The following PRKN variants were observed in gnomAD, a reference collection of about 807,000 sequenced individuals.
PRKN encodes the protein parkin RBR E3 ubiquitin protein ligase, also known as E3 ubiquitin-protein ligase parkin.
In PRKN, 56 loss-of-function variants were observed where a neutral mutation model predicts 59.5. That is an observed-to-expected ratio of 0.94 (90% confidence interval 0.76 to 1.18). The LOEUF is 1.18. Ranked by LOEUF, PRKN falls within the 50% of genes most tolerant of loss-of-function variation. The pLI, the probability that PRKN is intolerant of heterozygous loss-of-function variation, is 0.00. For synonymous variants in PRKN, 250 were observed against 222.1 expected, an observed-to-expected ratio of 1.13 and a Z score of -1.12; for missense variants, 657 against 596.4, an observed-to-expected ratio of 1.10 and a Z score of -1.06.
intron 6 of PRKN, among the ~76,000 whole-genome samples, chr6:161,879,932 T>G (rs546737686): frequency 6.6e-6 from 1 of 152,192 alleles, no homozygotes; most frequent in South Asian, 2.1e-4. Flanking sequence ...TTCTACACTT[T>G]AGGCATATGC....
chr6:162,602,826 G>C (rs1583887342), intron 1 of PRKN, among the ~76,000 whole-genome samples: 1 of 152,248 alleles, frequency 6.6e-6, no homozygotes, highest in East Asian at 1.9e-4. Flanking sequence ...AAAGCAGAGA[G>C]TGGCCTTTTA....
intron 1 of PRKN, among the ~76,000 whole-genome samples, chr6:162,623,086 G>A (rs898104948): frequency 6.6e-6 from 1 of 152,188 alleles, no homozygotes; most frequent in African/African-American, 2.4e-5. Context: ...GACTTAAACT[G>A]GAAACCCAGT....
At chr6:162,142,765 C>G (rs1022845217) in intron 4 of PRKN, among the ~76,000 whole-genome samples, 14 of 152,186 alleles carry the variant, frequency 9.2e-5, no homozygotes, top group Non-Finnish European at 8.8e-5. Context: ...GAGCACTTTA[C>G]ATTATTAATT....
At chr6:161,653,112 C>G (rs988924215) in intron 7 of PRKN, among the ~76,000 whole-genome samples, 3 of 152,064 alleles carry the variant, frequency 2.0e-5, no homozygotes, top group African/African-American at 7.2e-5. Context: ...GCCTGTAATC[C>G]CAGCACTTTG....
chr6:162,158,233 T>C (rs1782604821), intron 4 of PRKN, among the ~76,000 whole-genome samples: 2 of 152,028 alleles, frequency 1.3e-5, no homozygotes, highest in Admixed American at 6.5e-5. Flanking sequence ...ATAAATTCAG[T>C]TTTCTGTCTC....
intron 9 of PRKN, among the ~76,000 whole-genome samples, chr6:161,494,791 G>C (rs1338146141): frequency 6.6e-6 from 1 of 152,194 alleles, no homozygotes; most frequent in Admixed American, 6.5e-5. Context: ...AGGTGCATCT[G>C]ATGAACTCTG....
chr6:162,627,911 A>C (rs1202656196), intron 1 of PRKN, among the ~76,000 whole-genome samples: 1 of 152,144 alleles, frequency 6.6e-6, no homozygotes, highest in Non-Finnish European at 1.5e-5. Context: ...AGTAAAAGAA[A>C]GAACAGGAAA....
intron 4 of PRKN, among the ~76,000 whole-genome samples, chr6:162,194,230 A>G (rs1784405290): frequency 6.6e-6 from 1 of 152,242 alleles, no homozygotes; most frequent in African/African-American, 2.4e-5. Context: ...CAAATTGATC[A>G]TTCATTAAAA....
Position 161,947,084 on chromosome 6 carries a change from T to C in PRKN, c.734+26218A>G, listed in dbSNP as rs1433491082. On this transcript the variant is annotated intron_variant, in intron 6 of 11. Coordinates refer to ENST00000366898, the MANE Select transcript of PRKN (RefSeq NM_004562.3). The stretch of plus-strand genomic sequence containing the variant: ...TACATATGTTGATGTCTGCAAGTGC[T>C]TATACATCTGTTTATGTGTAGATGT... Among the ~76,000 whole-genome samples, 5 of 152,312 alleles carry C rather than the reference T, an allele frequency of 3.3e-5. No individual in the cohort carries two copies. The South Asian group carries it at 1.0e-3, about 32-fold the overall frequency.
intron 1 of PRKN, among the ~76,000 whole-genome samples, chr6:162,540,477 G>A (rs1562368201): frequency 1.3e-5 from 2 of 152,100 alleles, no homozygotes; most frequent in African/African-American, 4.8e-5. Flanking sequence ...TTGAAACAAT[G>A]TAAGTCAACT....
At chr6:162,304,713 G>A (rs1782145121) in intron 2 of PRKN, among the ~76,000 whole-genome samples, 1 of 150,838 alleles carries the variant, frequency 6.6e-6, no homozygotes. Context: ...AAGGGTACCA[G>A]ATAAACAAAA....
In PRKN at chr6:161,497,650, C is replaced by T. The variant is rs1052920138; in HGVS notation, c.1083+51204G>A. ...TTGCACCACAAAGTATTTTCAGCTG[C>T]TCTTCTCGCTCCTTTCCCTTTCAAT... On this transcript the variant is annotated intron_variant, in intron 9 of 11. Coordinates refer to ENST00000366898, the MANE Select transcript of PRKN (RefSeq NM_004562.3). This position sits in a 1 kb window ranked among gnomAD's most constrained non-coding sequence, Gnocchi z 4.6. Among the ~76,000 whole-genome samples the T allele has an allele frequency of 6.6e-6, 1 of 152,082 alleles. No individual in the cohort carries two copies. The highest frequency in any genetic ancestry group is 1.5e-5 in the Non-Finnish European group (1 of 68,026).
chr6:162,449,024 A>T (rs372285868), intron 1 of PRKN, among the ~76,000 whole-genome samples: 1 of 151,954 alleles, frequency 6.6e-6, no homozygotes, highest in East Asian at 1.9e-4. Flanking sequence ...AGTACCTGCG[A>T]TTACAGATGC....
At position 162,657,181 on chromosome 6, in the gene PRKN, T is replaced by C. The variant is rs377755259; in HGVS notation, c.7+70481A>G. Among the ~76,000 whole-genome samples the C allele has an allele frequency of 5.3e-5, 8 of 152,320 alleles. No homozygotes were observed. In the South Asian group the frequency reaches 6.2e-4, roughly 12 times the overall value. ...ATGAATGAATGAAAAAATGAATACA[T>C]TGATGCAATTATCCATAGTAGATTA... On this transcript the variant is annotated intron_variant, in intron 1 of 11. Coordinates refer to ENST00000366898, the MANE Select transcript of PRKN (RefSeq NM_004562.3).
chr6:161,708,844 G>A (rs918295066), intron 7 of PRKN, among the ~76,000 whole-genome samples: 4 of 152,176 alleles, frequency 2.6e-5, no homozygotes, highest in African/African-American at 4.8e-5. Context: ...CCAATGCAAC[G>A]AGGGAAGCTG....
At chr6:162,613,453 G>A (rs1039329880) in intron 1 of PRKN, among the ~76,000 whole-genome samples, 2 of 152,154 alleles carry the variant, frequency 1.3e-5, no homozygotes, top group African/African-American at 4.8e-5. Flanking sequence ...CTAGAAAAAT[G>A]CCTCTGTTGT....
In PRKN at chr6:161,402,484, A is replaced by G. The variant is rs1026051711; in HGVS notation, c.1084-15607T>C. ...CATTGCTGCCTCTCTACTAATAAATAGCTTTTTGGTCCCATAACATGAGAG... is the reference window on the plus strand; with the variant it reads ...CATTGCTGCCTCTCTACTAATAAATGGCTTTTTGGTCCCATAACATGAGAG... On this transcript the variant is annotated intron_variant, in intron 9 of 11. Coordinates refer to ENST00000366898, the MANE Select transcript of PRKN (RefSeq NM_004562.3). This position sits in a 1 kb window ranked among gnomAD's most constrained non-coding sequence, Gnocchi z 4.5. Among the ~76,000 whole-genome samples the G allele has an allele frequency of 6.6e-6, 1 of 152,180 alleles. No individual in the cohort carries two copies. Among genetic ancestry groups the G allele is most frequent in the Non-Finnish European group, 1.5e-5 (1 of 68,044 alleles).
chr6:162,721,435 C>T (rs1272300335), intron 1 of PRKN, among the ~76,000 whole-genome samples: 3 of 152,172 alleles, frequency 2.0e-5, no homozygotes, highest in African/African-American at 4.8e-5. Flanking sequence ...TGACTCCTCC[C>T]TATCGCCAAC....
Position 161,428,057 on chromosome 6 carries a change from C to A in PRKN, c.1084-41180G>T, listed in dbSNP as rs531696581. ...AGCTCGCTGCAGTCTGAGTGTGTCT[C>A]CGTGGAGCTCGGCATTTGGACACAG... On this transcript the variant is annotated intron_variant, in intron 9 of 11. Transcript: ENST00000366898. This position sits in a 1 kb window ranked among gnomAD's most constrained non-coding sequence, Gnocchi z 4.0. Among the ~76,000 whole-genome samples the A allele has an allele frequency of 6.6e-6, 1 of 152,264 alleles. No individual in the cohort carries two copies. Among genetic ancestry groups the A allele is most frequent in the East Asian group, 1.9e-4 (1 of 5,180 alleles).
Sources: gnomAD v4.1 joint callset for allele counts (sites outside exome capture counted in the v4.1 genomes callset) on GRCh38, gnomAD v4.1.1 for gene constraint, Gnocchi (gnomAD v3.1) non-coding constraint, MANE v1.5 for transcripts, NCBI Gene and HGNC (gene_info 2026-07-23, HGNC 2026-07-21) for gene names.